Variants in PLEKHA7 observed in about 807,000 individuals in gnomAD.
PLEKHA7 encodes pleckstrin homology domain containing A7, also known as pleckstrin homology domain-containing family A member 7.
In PLEKHA7, 104 loss-of-function variants were observed where a neutral mutation model predicts 170.0. That is an observed-to-expected ratio of 0.61 (90% CI 0.52 to 0.72). PLEKHA7 has a LOEUF of 0.72. Ranked by LOEUF, PLEKHA7 falls within the 30% of genes least tolerant of loss-of-function variation. PLEKHA7 has a pLI of 0.00. For synonymous variants in PLEKHA7, 648 were observed against 660.8 expected, an observed-to-expected ratio of 0.98 and a Z score of 0.30; for missense variants, 1,615 against 1,671.7, an observed-to-expected ratio of 0.97 and a Z score of 0.59.
intron 3 of PLEKHA7, among the ~76,000 whole-genome samples, chr11:16,957,212 C>T (rs1861752411): frequency 6.6e-6 from 1 of 152,088 alleles, no homozygotes; most frequent in Non-Finnish European, 1.5e-5. Flanking sequence ...ATCTGAGATA[C>T]AAAAAGAGGT....
chr11:16,808,132 G>A (rs1849117727), intron 13 of PLEKHA7, among the ~76,000 whole-genome samples: 1 of 152,216 alleles, frequency 6.6e-6, no homozygotes, highest in Non-Finnish European at 1.5e-5. Context: ...CATTTTGAGA[G>A]CCGCTACTTC....
Position 16,856,051 on chromosome 11 carries a change from C to A in PLEKHA7, c.306-137G>T, listed in dbSNP as rs940698001. The stretch of plus-strand genomic sequence containing the variant: ...CTGATTGTTTGGAGGCTGCCTGACT[C>A]CAGACTGCAGCCAGAAGGCCGCAAT... On this transcript the variant is annotated intron_variant, in intron 4 of 26. Coordinates refer to ENST00000531066, the MANE Select transcript of PLEKHA7 (RefSeq NM_001329630.2). 1.1e-5 allele frequency: 8 copies of A among 702,612 alleles called. No homozygotes were observed. In the East Asian group the frequency reaches 2.0e-4, roughly 18 times the overall value. 43.5% of individuals were successfully genotyped at this position (702,612 alleles called of 1,614,324 possible).
chr11:16,859,488 G>A (rs754296678), intron 4 of PLEKHA7, among the ~76,000 whole-genome samples: 3 of 152,202 alleles, frequency 2.0e-5, no homozygotes, highest in Non-Finnish European at 4.4e-5. Context: ...ACTTCTAGTG[G>A]TGATTTACCA....
chr11:16,820,413 G>T (rs1307588588), intron 10 of PLEKHA7, among the ~76,000 whole-genome samples: 1 of 152,184 alleles, frequency 6.6e-6, no homozygotes, highest in Non-Finnish European at 1.5e-5. Flanking sequence ...ATAATTTTAA[G>T]ATCTCTTCAA....
rs1205912087 is a variant in PLEKHA7, at chr11:16,816,219, T to G, written c.1912A>C (p.Met638Leu). Residue 638 changes from methionine (M) to leucine (L), a missense_variant, in exon 12 of 27, where the codon ATG (methionine) becomes CTG (leucine). Coordinates refer to ENST00000531066, the MANE Select transcript of PLEKHA7 (RefSeq NM_001329630.2). ...CTGGGAGCGCTGACGGTGTGGGTCATGTAACCCATGGAGGGCATGGAGCGT... is the reference window on the plus strand; with the variant it reads ...CTGGGAGCGCTGACGGTGTGGGTCAGGTAACCCATGGAGGGCATGGAGCGT... The part of the protein sequence containing the change: ...DRRSMPSMGY[M>L]THTVSAPSLH... The G allele has an allele frequency of 1.9e-6, 3 of 1,613,884 alleles. No individual in the cohort carries two copies. The highest frequency in any genetic ancestry group is 2.5e-6 in the Non-Finnish European group (3 of 1,179,924).
chr11:16,826,025 G>C (rs1428525875), intron 10 of PLEKHA7, 95 bp downstream of exon 10: 12 of 1,263,876 alleles, frequency 9.5e-6, no homozygotes. Context: ...AAGAGTTTAA[G>C]GCTGCCCTTA....
At chr11:16,865,051 G>C (rs1019691859) in intron 4 of PLEKHA7, among the ~76,000 whole-genome samples, 1 of 152,116 alleles carries the variant, frequency 6.6e-6, no homozygotes, top group African/African-American at 2.4e-5. Flanking sequence ...AGGGCTTCTA[G>C]AACCCTCACC....
At chr11:16,982,807 G>A (rs940750068) in intron 3 of PLEKHA7, among the ~76,000 whole-genome samples, 9 of 71,420 alleles carry the variant, frequency 1.3e-4, no homozygotes, top group African/African-American at 2.6e-4. Context: ...ACACACACAC[G>A]GAGAAAGAGA....
At chr11:16,989,413 T>C (rs1296656078) in intron 3 of PLEKHA7, among the ~76,000 whole-genome samples, 1 of 152,156 alleles carries the variant, frequency 6.6e-6, no homozygotes, top group Admixed American at 6.5e-5. Flanking sequence ...ACTAGATAGA[T>C]TTGAAGAATA....
intron 9 of PLEKHA7, among the ~76,000 whole-genome samples, chr11:16,833,454 A>T (rs1851276881): frequency 6.6e-6 from 1 of 152,186 alleles, no homozygotes; most frequent in Non-Finnish European, 1.5e-5. Context: ...TCTTTCTTCT[A>T]CCTGGGTAAG....
intron 9 of PLEKHA7, among the ~76,000 whole-genome samples, chr11:16,836,146 A>AT (rs567092311): frequency 6.6e-6 from 1 of 152,210 alleles, no homozygotes; most frequent in Non-Finnish European, 1.5e-5. Flanking sequence ...TTCCTACTGG[A>AT]TTTTAACCTT....
intron 26 of PLEKHA7, among the ~76,000 whole-genome samples, chr11:16,780,183 G>A (rs146177412): frequency 1.8e-4 from 28 of 152,332 alleles, no homozygotes; most frequent in Middle Eastern, 3.4e-3. Context: ...CCCCTGTCCA[G>A]GTGAACCGCT....
intron 8 of PLEKHA7, among the ~76,000 whole-genome samples, chr11:16,843,763 C>A (rs1209051593): frequency 6.6e-6 from 1 of 152,110 alleles, no homozygotes; most frequent in South Asian, 2.1e-4. Flanking sequence ...ATGTTGAAAC[C>A]CCATCTCTAC....
intron 9 of PLEKHA7, among the ~76,000 whole-genome samples, chr11:16,838,536 A>G (rs923928736): frequency 6.6e-6 from 1 of 150,432 alleles, no homozygotes; most frequent in African/African-American, 2.5e-5. Context: ...AAAAAAGTGG[A>G]AATAAATATA....
intron 3 of PLEKHA7, among the ~76,000 whole-genome samples, chr11:16,886,575 G>T (rs181287541): frequency 9.0e-4 from 137 of 152,266 alleles, no homozygotes; most frequent in Non-Finnish European, 1.7e-3. Context: ...GCAGGGCATG[G>T]TAGCAGGCAC....
intron 3 of PLEKHA7, among the ~76,000 whole-genome samples, chr11:16,970,041 T>C (rs1862614322): frequency 2.0e-5 from 3 of 152,160 alleles, no homozygotes; most frequent in South Asian, 2.1e-4. Flanking sequence ...GGAAAACACA[T>C]AGGGCCACAT....
At chr11:16,780,423 G>C (rs1848935338) in intron 26 of PLEKHA7, among the ~76,000 whole-genome samples, 1 of 152,224 alleles carries the variant, frequency 6.6e-6, no homozygotes, top group Non-Finnish European at 1.5e-5. Context: ...TGACCAAAAG[G>C]GCAGTCCCAG....
chr11:16,940,068 A>T (rs768554429), intron 3 of PLEKHA7, among the ~76,000 whole-genome samples: 1 of 152,146 alleles, frequency 6.6e-6, no homozygotes, highest in Non-Finnish European at 1.5e-5. Context: ...AGCTGTGTGG[A>T]TCTGTCTCCC....
chr11:16,889,421 ATAT>A (rs1330149793), intron 3 of PLEKHA7, among the ~76,000 whole-genome samples: 3,599 of 66,994 alleles, frequency 0.054, 65 homozygotes, highest in East Asian at 0.079. Flanking sequence ...AAAAAAAAAA[ATAT>A]ATATATATAT....
Sources: gnomAD v4.1 joint callset for allele counts (sites outside exome capture counted in the v4.1 genomes callset) on GRCh38, gnomAD v4.1.1 for gene constraint, MANE v1.5 for transcripts, NCBI Gene and HGNC (gene_info 2026-07-23, HGNC 2026-07-21) for gene names.